The following SLC12A6 variants were observed in gnomAD, a reference collection of about 807,000 sequenced individuals.
The protein encoded by SLC12A6 is solute carrier family 12 member 6.
SLC12A6 carries 66 observed loss-of-function variants against 135.3 expected under a neutral mutation model. The ratio of observed to expected loss-of-function variants is 0.49; its 90% CI spans 0.40 to 0.60. SLC12A6 has a LOEUF of 0.60. SLC12A6 is among the 20% of genes least tolerant of loss of function. The pLI, the probability that SLC12A6 is intolerant of heterozygous loss-of-function variation, is 0.00. For missense variants in SLC12A6, 1,058 were observed against 1,452.3 expected (o/e 0.73, Z 4.41); for synonymous variants, 513 against 508.8 (o/e 1.01, Z -0.11).
chr15:34,257,579 G>A (rs961502770), intron 6 of SLC12A6, 63 bp downstream of exon 6: 7 of 1,242,346 alleles, frequency 5.6e-6, no homozygotes, highest in Non-Finnish European at 8.3e-6. Context: ...AAGAGGTCAT[G>A]TGCATCTGCT....
intron 2 of SLC12A6, among the ~76,000 whole-genome samples, chr15:34,329,622 G>C (rs1008114245): frequency 3.9e-5 from 6 of 152,084 alleles, no homozygotes; most frequent in Non-Finnish European, 8.8e-5. Context: ...TCAAAGACAA[G>C]AAGTTGAGGT....
chr15:34,281,051 G>A (rs746800856), intron 2 of SLC12A6, among the ~76,000 whole-genome samples: 2 of 152,134 alleles, frequency 1.3e-5, no homozygotes, highest in African/African-American at 4.8e-5. Context: ...GGGTATGGGC[G>A]GAGGGCAGGG....
At chr15:34,279,087 C>T (rs188786418) in intron 2 of SLC12A6, among the ~76,000 whole-genome samples, 21 of 151,370 alleles carry the variant, frequency 1.4e-4, no homozygotes, top group African/African-American at 4.6e-4. Flanking sequence ...GAAGCTGAGG[C>T]GGGTGGATCA....
At chr15:34,235,940 G>C (rs976420294) in intron 24 of SLC12A6, 75 bp downstream of exon 24, 7 of 1,123,502 alleles carry the variant, frequency 6.2e-6, no homozygotes, top group Non-Finnish European at 9.6e-6. Flanking sequence ...ACTCCATCCT[G>C]TGTGTCCAGG....
intron 2 of SLC12A6, among the ~76,000 whole-genome samples, chr15:34,309,849 G>A (rs1370316362): frequency 4.6e-5 from 7 of 151,722 alleles, no homozygotes; most frequent in South Asian, 2.1e-4. Flanking sequence ...CTAAATTTCC[G>A]TTAGTTAGGC....
intron 2 of SLC12A6, among the ~76,000 whole-genome samples, chr15:34,290,031 G>C (rs1268786893): frequency 6.6e-6 from 1 of 152,032 alleles, no homozygotes; most frequent in African/African-American, 2.4e-5. Context: ...TTTTGAATTT[G>C]TCTGCTCTTG....
intron 2 of SLC12A6, among the ~76,000 whole-genome samples, chr15:34,317,694 C>T (rs1293148577): frequency 6.6e-6 from 1 of 152,146 alleles, no homozygotes; most frequent in African/African-American, 2.4e-5. Flanking sequence ...CAGAGAAAGA[C>T]TCCATCTCCA....
intron 3 of SLC12A6, among the ~76,000 whole-genome samples, chr15:34,273,734 A>C (rs1389193412): frequency 6.6e-6 from 1 of 152,246 alleles, no homozygotes. Context: ...CTCAAATCAA[A>C]GCATACATAG....
At chr15:34,322,209 A>G (rs380248) in intron 2 of SLC12A6, among the ~76,000 whole-genome samples, 38,822 of 151,964 alleles carry the variant, frequency 0.26, 7,158 homozygotes, top group African/African-American at 0.52. Flanking sequence ...AGGGAGAAAC[A>G]TTGTCTCTAC....
At position 34,244,087 on chromosome 15, in the gene SLC12A6, G is replaced by A; in HGVS notation, c.1944-15C>T. 1 of 1,344,748 alleles carries A rather than the reference G, an allele frequency of 7.4e-7. No homozygotes were observed. The highest frequency in any genetic ancestry group is 1.1e-6 in the Non-Finnish European group (1 of 934,104). 83.3% of individuals were successfully genotyped at this position (1,344,748 alleles called of 1,614,324 possible). A position where few individuals can be genotyped will look rare whatever the true frequency, so the allele number is the denominator to read the frequency against. On this transcript the variant is annotated splice_polypyrimidine_tract_variant and intron_variant, in intron 15 of 25. Transcript: ENST00000354181. ...TGAGAAAAAACCTGAAGAATAAAGA[G>A]TAAGAGGAATGATTATTACTGGAAG...
intron 2 of SLC12A6, among the ~76,000 whole-genome samples, chr15:34,297,353 C>A (rs369914972): frequency 6.6e-6 from 1 of 152,050 alleles, no homozygotes; most frequent in South Asian, 2.1e-4. Context: ...TAAATAAACA[C>A]AAAGATGATC....
At chr15:34,319,199 G>C (rs1039122199) in intron 2 of SLC12A6, among the ~76,000 whole-genome samples, 3 of 149,804 alleles carry the variant, frequency 2.0e-5, no homozygotes, top group Non-Finnish European at 4.4e-5. Flanking sequence ...GCAGTAGTGC[G>C]ATCTCAGCTC....
intron 2 of SLC12A6, among the ~76,000 whole-genome samples, chr15:34,300,708 G>T (rs902711278): frequency 2.0e-5 from 3 of 151,112 alleles, no homozygotes; most frequent in Admixed American, 6.6e-5. Context: ...CACGAGGACT[G>T]CCTGAACCTG....
At chr15:34,282,461 A>G (rs934628760) in intron 2 of SLC12A6, among the ~76,000 whole-genome samples, 2 of 152,220 alleles carry the variant, frequency 1.3e-5, no homozygotes, top group Non-Finnish European at 2.9e-5. Flanking sequence ...AGGTTAAAAG[A>G]TAACTCCCTG....
chr15:34,238,090 A>G, intron 21 of SLC12A6, 142 bp downstream of exon 21: 1 of 691,186 alleles, frequency 1.4e-6, no homozygotes, highest in Non-Finnish European at 2.6e-6. Context: ...TGAAAGTGGG[A>G]TCATGGGAAA....
intron 2 of SLC12A6, among the ~76,000 whole-genome samples, chr15:34,306,880 A>G (rs1326037859): frequency 6.6e-6 from 1 of 152,236 alleles, no homozygotes; most frequent in Non-Finnish European, 1.5e-5. Context: ...ATGGACTCTG[A>G]AAATAATTGT....
At chr15:34,310,247 T>C (rs866090265) in intron 2 of SLC12A6, among the ~76,000 whole-genome samples, 45 of 131,230 alleles carry the variant, frequency 3.4e-4, no homozygotes, top group African/African-American at 1.4e-3. Flanking sequence ...TGGGCTCAAG[T>C]GTGTGTGTGT....
At chr15:34,239,681 T>C (rs1270186638) in intron 19 of SLC12A6, among the ~76,000 whole-genome samples, 1 of 152,146 alleles carries the variant, frequency 6.6e-6, no homozygotes, top group East Asian at 1.9e-4. Flanking sequence ...TTCATGACAC[T>C]TGTATTTGCA....
chr15:34,267,962 T>C (rs1209551090), intron 3 of SLC12A6, among the ~76,000 whole-genome samples: 1 of 152,208 alleles, frequency 6.6e-6, no homozygotes, highest in Non-Finnish European at 1.5e-5. Context: ...ATTTTCCTTC[T>C]CTTTAAACAG....
Sources: allele counts gnomAD v4.1 joint callset (sites outside exome capture counted in the v4.1 genomes callset), GRCh38; gene constraint gnomAD v4.1.1; transcripts MANE v1.5; gene names NCBI Gene and HGNC (gene_info 2026-07-23, HGNC 2026-07-21).